The following FRMD4A variants were observed in gnomAD, a reference collection of about 807,000 sequenced individuals.
The protein encoded by FRMD4A is FERM domain containing 4A, also known as FERM domain-containing protein 4A.
FRMD4A carries 29 observed loss-of-function variants against 129.1 expected under a neutral mutation model. The ratio of observed to expected loss-of-function variants is 0.22; its 90% CI spans 0.17 to 0.31. FRMD4A has a LOEUF of 0.31. Among genes scored for constraint, FRMD4A ranks in the 10% least tolerant of loss-of-function variants. FRMD4A has a pLI of 1.00. For synonymous variants in FRMD4A, 634 were observed against 571.6 expected, an observed-to-expected ratio of 1.11 and a Z score of -1.56; for missense variants, 1,272 against 1,375.8, an observed-to-expected ratio of 0.92 and a Z score of 1.19.
intron 2 of FRMD4A, among the ~76,000 whole-genome samples, chr10:13,923,711 G>A (rs180967634): frequency 1.6e-4 from 24 of 152,238 alleles, no homozygotes; most frequent in African/African-American, 4.6e-4. Context: ...GGTAGGCCAC[G>A]TTTATCTTAT....
At chr10:14,292,869 A>G (rs1360202856) in intron 2 of FRMD4A, among the ~76,000 whole-genome samples, 1 of 152,354 alleles carries the variant, frequency 6.6e-6, no homozygotes, top group East Asian at 1.9e-4. Flanking sequence ...TTCTTAAACA[A>G]AACATTAATA....
chr10:13,653,878 A>G (rs914776476), intron 23 of FRMD4A: 2 of 162,360 alleles, frequency 1.2e-5, no homozygotes, highest in Non-Finnish European at 2.7e-5. Flanking sequence ...GGTTTCATTA[A>G]TTTTGTTGTG....
chr10:14,065,056 G>C (rs892014418), intron 2 of FRMD4A, among the ~76,000 whole-genome samples: 5 of 152,156 alleles, frequency 3.3e-5, no homozygotes, highest in African/African-American at 1.2e-4. Context: ...GAGTGGTAGG[G>C]AGTGCCAAAT....
At chr10:13,956,160 T>C (rs970614438) in intron 2 of FRMD4A, among the ~76,000 whole-genome samples, 2 of 152,176 alleles carry the variant, frequency 1.3e-5, no homozygotes, top group Non-Finnish European at 2.9e-5. Flanking sequence ...TCTTTTTTTC[T>C]TTTGTTTTTT....
chr10:14,124,679 TACA>T (rs367833993), intron 2 of FRMD4A, among the ~76,000 whole-genome samples: 2 of 151,774 alleles, frequency 1.3e-5, no homozygotes, highest in South Asian at 2.1e-4. Context: ...TTGTCTCAAC[TACA>T]ACAACAACAA....
At chr10:14,321,481 A>G (rs1339793101) in intron 2 of FRMD4A, among the ~76,000 whole-genome samples, 1 of 152,138 alleles carries the variant, frequency 6.6e-6, no homozygotes, top group African/African-American at 2.4e-5. Context: ...TCAGGGAAGG[A>G]AATGTCCAAC....
intron 2 of FRMD4A, among the ~76,000 whole-genome samples, chr10:14,152,908 T>C (rs1187479611): frequency 1.3e-5 from 2 of 152,014 alleles, no homozygotes; most frequent in South Asian, 2.1e-4. Context: ...CCAGGCATCC[T>C]AGAGCAGTAG....
chr10:13,816,046 C>T (rs765625683), intron 3 of FRMD4A, among the ~76,000 whole-genome samples: 2 of 152,218 alleles, frequency 1.3e-5, no homozygotes, highest in Non-Finnish European at 2.9e-5. Flanking sequence ...CTGGAACAAA[C>T]TTCATCTTTT....
intron 3 of FRMD4A, among the ~76,000 whole-genome samples, chr10:13,849,956 A>G (rs11258671): frequency 0.94 from 142,858 of 151,418 alleles, 67,420 homozygotes; most frequent in East Asian, 0.98. Context: ...ATCACCTGAG[A>G]TCAGGAGTTC....
chr10:14,130,245 T>A (rs1839170513), intron 2 of FRMD4A, among the ~76,000 whole-genome samples: 1 of 152,214 alleles, frequency 6.6e-6, no homozygotes, highest in South Asian at 2.1e-4. Context: ...TTAAATTTTT[T>A]ATTATTTTTA....
At chr10:13,648,817 C>T (rs1196367087) in intron 24 of FRMD4A, 2 of 152,114 alleles carry the variant, frequency 1.3e-5, no homozygotes, top group Non-Finnish European at 1.5e-5. Flanking sequence ...CTAACACAAA[C>T]ATGATCTGGG....
At chr10:13,856,216 AAG>A (rs1491175246) in intron 3 of FRMD4A, among the ~76,000 whole-genome samples, 112 of 107,580 alleles carry the variant, frequency 1.0e-3, no homozygotes, top group Non-Finnish European at 2.0e-3. Context: ...GATTTTGTGC[AAG>A]TGTGTGTGTG....
chr10:13,924,789 A>C (rs889007641), intron 2 of FRMD4A, among the ~76,000 whole-genome samples: 1 of 152,144 alleles, frequency 6.6e-6, no homozygotes, highest in African/African-American at 2.4e-5. Context: ...TGTGTTCAGC[A>C]GACATCTGTT....
At chr10:14,194,187 G>A (rs542858895) in intron 2 of FRMD4A, among the ~76,000 whole-genome samples, 2 of 152,078 alleles carry the variant, frequency 1.3e-5, no homozygotes, top group Non-Finnish European at 2.9e-5. Context: ...AAATAACAAA[G>A]CCCTCTAGCG....
intron 13 of FRMD4A, among the ~76,000 whole-genome samples, chr10:13,704,034 AC>A (rs2087143800): frequency 6.6e-6 from 1 of 152,012 alleles, no homozygotes. Flanking sequence ...AAACAAAAAA[AC>A]ACTCAAGGCC....
intron 2 of FRMD4A, among the ~76,000 whole-genome samples, chr10:14,047,117 G>A (rs1000704396): frequency 3.9e-5 from 6 of 152,190 alleles, no homozygotes; most frequent in Admixed American, 1.3e-4. Flanking sequence ...CTTGTGCCAC[G>A]ATGGCAATTC....
chr10:13,793,064 A>T (rs1315363867), intron 5 of FRMD4A, among the ~76,000 whole-genome samples: 1 of 152,224 alleles, frequency 6.6e-6, no homozygotes, highest in Non-Finnish European at 1.5e-5. Flanking sequence ...AATCCCAAAT[A>T]ATAGCCCAAC....
At chr10:13,975,317 TG>T (rs2095538210) in intron 2 of FRMD4A, among the ~76,000 whole-genome samples, 1 of 151,978 alleles carries the variant, frequency 6.6e-6, no homozygotes, top group Admixed American at 6.6e-5. Flanking sequence ...TGTATGTGTG[TG>T]TGTGCCTATC....
chr10:13,706,991 G>T lies in FRMD4A; in HGVS notation c.836+46C>A, dbSNP rs770630145. ...CAAAATAATATCCATAACACGCCCG[G>T]CCGAGAGCCACGCCATCCCGCAAGA... On this transcript the variant is annotated intron_variant, in intron 13 of 24. Coordinates refer to ENST00000357447, the MANE Select transcript of FRMD4A (RefSeq NM_018027.5). 4.2e-5 allele frequency: 41 copies of T among 986,802 alleles called. 2 individuals are homozygous for T. In the South Asian group the frequency reaches 5.1e-4, roughly 12 times the overall value. 61.1% of individuals were successfully genotyped at this position (986,802 alleles called of 1,614,324 possible).
Sources: gnomAD v4.1 joint callset for allele counts (sites outside exome capture counted in the v4.1 genomes callset) on GRCh38, gnomAD v4.1.1 for gene constraint, MANE v1.5 for transcripts, NCBI Gene and HGNC (gene_info 2026-07-23, HGNC 2026-07-21) for gene names.